HYDIN: variants seen among roughly 807,000 people sequenced by gnomAD.
HYDIN encodes axonemal central pair apparatus protein HYDIN.
In HYDIN, 132 loss-of-function variants were observed where a neutral mutation model predicts 403.9. The ratio of observed to expected loss-of-function variants is 0.33; its 90% confidence interval spans 0.28 to 0.38. The LOEUF is 0.38. Among genes scored for constraint, HYDIN ranks in the 10% least tolerant of loss-of-function variants. The probability of loss-of-function intolerance (pLI) is 1.00; values close to 1 mark genes in which losing one functional copy is unlikely to be tolerated. For missense variants in HYDIN, 2,827 were observed against 5,009.5 expected (o/e 0.56, Z 13.15); for synonymous variants, 1,202 against 1,891.7 (o/e 0.64, Z 9.46).
chr16:70,961,417 T>A (rs900063259), intron 38 of HYDIN, among the ~76,000 whole-genome samples: 2 of 152,072 alleles, frequency 1.3e-5, no homozygotes, highest in Admixed American at 1.3e-4. Flanking sequence ...ATTCTGGGGG[T>A]GGGCACAGGA....
At chr16:70,982,235 C>T (rs960233789) in intron 28 of HYDIN, among the ~76,000 whole-genome samples, 1 of 149,212 alleles carries the variant, frequency 6.7e-6, no homozygotes, top group Non-Finnish European at 1.5e-5. Context: ...TATATTAAAA[C>T]ATTTTTGTGA....
intron 45 of HYDIN, among the ~76,000 whole-genome samples, chr16:70,928,279 A>G (rs1389064334): frequency 6.6e-6 from 1 of 152,274 alleles, no homozygotes; most frequent in Non-Finnish European, 1.5e-5. Context: ...CTTGGGCAAC[A>G]TGGCATAACC....
intron 62 of HYDIN, among the ~76,000 whole-genome samples, chr16:70,875,180 G>A (rs1256776765): frequency 1.3e-5 from 2 of 150,606 alleles, no homozygotes; most frequent in Non-Finnish European, 3.0e-5. Flanking sequence ...TCCAGATCAC[G>A]TAGGTAGTGT....
chr16:70,902,819 ATATTTTTT>A (rs1382440943), intron 52 of HYDIN, among the ~76,000 whole-genome samples: 4 of 17,196 alleles, frequency 2.3e-4, no homozygotes, highest in Non-Finnish European at 3.4e-4. Context: ...ATATATATAT[ATATTTTTT>A]TTTTTTTTTT....
At chr16:71,154,076 G>C (rs1308367784) in intron 6 of HYDIN, among the ~76,000 whole-genome samples, 2 of 135,342 alleles carry the variant, frequency 1.5e-5, no homozygotes, top group African/African-American at 5.6e-5. Flanking sequence ...TCTTCCCTTA[G>C]ATGATGAACT....
intron 20 of HYDIN, among the ~76,000 whole-genome samples, chr16:71,026,953 C>T (rs1190488406): frequency 6.6e-6 from 1 of 152,106 alleles, no homozygotes; most frequent in Non-Finnish European, 1.5e-5. Flanking sequence ...GAGGGAGAGA[C>T]TCTTAAGTGA....
At chr16:71,219,932 C>T (rs1006036933) in intron 1 of HYDIN, among the ~76,000 whole-genome samples, 2 of 152,158 alleles carry the variant, frequency 1.3e-5, no homozygotes, top group African/African-American at 2.4e-5. Flanking sequence ...AATGAGTTGT[C>T]GTTTCACTTT....
intron 1 of HYDIN, among the ~76,000 whole-genome samples, chr16:71,224,606 G>T (rs1472265489): frequency 7.2e-6 from 1 of 138,784 alleles, no homozygotes; most frequent in Non-Finnish European, 1.5e-5. Context: ...CTGTCGCCCA[G>T]GCTGGAGTGC....
At chr16:70,971,436 C>T (rs1302664376) in intron 35 of HYDIN, among the ~76,000 whole-genome samples, 6 of 152,022 alleles carry the variant, frequency 3.9e-5, no homozygotes, top group African/African-American at 9.7e-5. Context: ...TCCCATAGTT[C>T]CTAGTCTGAT....
intron 18 of HYDIN, among the ~76,000 whole-genome samples, chr16:71,038,685 A>T (rs1018130146): frequency 1.3e-5 from 2 of 152,298 alleles, no homozygotes; most frequent in African/African-American, 4.8e-5. Flanking sequence ...TTTTGAGAAG[A>T]AGTCTCACTC....
At chr16:71,027,149 G>T in intron 20 of HYDIN, 1 of 1,040,906 alleles carries the variant, frequency 9.6e-7, no homozygotes, top group Non-Finnish European at 1.2e-6. Context: ...TGCATAAAAA[G>T]AAGATGTTTT....
intron 47 of HYDIN, among the ~76,000 whole-genome samples, chr16:70,910,212 T>C (rs1422134308): frequency 6.6e-6 from 1 of 152,160 alleles, no homozygotes; most frequent in Admixed American, 6.5e-5. Flanking sequence ...CTGCACCCTA[T>C]TTGTAGTCTT....
intron 1 of HYDIN, among the ~76,000 whole-genome samples, chr16:71,201,277 G>C (rs555949640): frequency 6.6e-6 from 1 of 152,302 alleles, no homozygotes; most frequent in Admixed American, 6.5e-5. Context: ...GATTGGCATA[G>C]AGTCAATAAA....
chr16:71,221,738 A>G (rs1306002681), intron 1 of HYDIN, among the ~76,000 whole-genome samples: 1 of 152,252 alleles, frequency 6.6e-6, no homozygotes, highest in African/African-American at 2.4e-5. Context: ...TAAATTACAA[A>G]AAGCATATAC....
chr16:70,807,548 C>A lies in HYDIN; in HGVS notation c.*32G>T. 6.4e-7 allele frequency: 1 copy of A among 1,566,986 alleles called. No individual in the cohort carries two copies. The highest frequency in any genetic ancestry group is 1.8e-5 in the Admixed American group (1 of 54,214). On this transcript the variant is annotated 3_prime_UTR_variant, in exon 86 of 86. Coordinates refer to ENST00000393567, the MANE Select transcript of HYDIN (RefSeq NM_001270974.2). ...TTTTTCAGGCTAAGACAATGCATAG[C>A]TTTTGGTTGATACAGGTAACCCTGG... is the stretch of plus-strand genomic sequence containing the variant.
chr16:71,093,409 A>G (rs1217392245), intron 11 of HYDIN, among the ~76,000 whole-genome samples: 1 of 151,624 alleles, frequency 6.6e-6, no homozygotes, highest in Non-Finnish European at 1.5e-5. Flanking sequence ...ATGTGAAAAC[A>G]GCTATGCTCA....
rs561213965 is a variant in HYDIN at position 70,920,844 on chromosome 16, C to T, written c.7532G>A (p.Arg2511Gln). The T allele has an allele frequency of 5.5e-5, 87 of 1,585,660 alleles. No homozygotes were observed. Among genetic ancestry groups the T allele is most frequent in the African/African-American group, 8.1e-5 (6 of 74,380 alleles). ...CTCCTTCTCCAGGCGCTCTCTCTCC[C>T]GGTCCTTGCGGCCCCTGCGCCCACC... ...PLGGRRGRKD[R>Q]ERERLEKERT... The change falls in exon 46 of 86, where the codon CGG (arginine) becomes CAG (glutamine). Residue 2511 changes from arginine to glutamine, a missense_variant. Physicochemically the swap from Arg to Gln is conservative, Grantham distance 43 (BLOSUM62 1). Coordinates refer to ENST00000393567, the MANE Select transcript of HYDIN (RefSeq NM_001270974.2).
chr16:71,064,776 A>G lies in HYDIN; in HGVS notation c.2140T>C (p.Tyr714His), dbSNP rs532091487. 37 of 1,613,970 alleles carry G rather than the reference A, an allele frequency of 2.3e-5. No homozygotes were observed. In the Middle Eastern group the frequency reaches 4.9e-4, roughly 22 times the overall value. The change falls in exon 16 of 86, where the codon TAC becomes CAC. Residue 714 changes from tyrosine (Y) to histidine (H), a missense_variant. Physicochemically the swap from Tyr to His is moderately conservative, Grantham distance 83 (BLOSUM62 2). Transcript: ENST00000393567. ...AGCTGGAGTGTTTTCTCATACGGGT[A>G]CTTCAGGAAGCAGTGCCCAAAGTCC... ...EVDFGHCFLK[Y>H]PYEKTLQLAN... is the part of the protein sequence containing the mutation.
intron 23 of HYDIN, among the ~76,000 whole-genome samples, chr16:71,012,387 C>A (rs1597540419): frequency 6.6e-6 from 1 of 152,260 alleles, no homozygotes; most frequent in Admixed American, 6.5e-5. Context: ...CGGGCACAAA[C>A]TCACAGGCTT....
Sources: gnomAD v4.1 joint callset for allele counts (sites outside exome capture counted in the v4.1 genomes callset) on GRCh38, gnomAD v4.1.1 for gene constraint, MANE v1.5 for transcripts, NCBI Gene and HGNC (gene_info 2026-07-23, HGNC 2026-07-21) for gene names.